The following ADPRM variants were observed in gnomAD, a reference collection of about 807,000 sequenced individuals.
The protein encoded by ADPRM is manganese-dependent ADP-ribose/CDP-alcohol diphosphatase.
In ADPRM, 17 loss-of-function variants were observed where a neutral mutation model predicts 27.2. The ratio of observed to expected loss-of-function variants is 0.63; its 90% CI spans 0.43 to 0.94. The LOEUF is 0.94. ADPRM is among the 40% of genes least tolerant of loss of function. The pLI is 0.00. For missense variants in ADPRM, 337 were observed against 412.8 expected, an observed-to-expected ratio of 0.82 and a Z score of 1.59; for synonymous variants, 135 against 145.3, an observed-to-expected ratio of 0.93 and a Z score of 0.51.
Position 10,706,550 on chromosome 17 carries a change from TGTGA to T in ADPRM, c.717_718+2del, listed in dbSNP as rs771243650. 2.6e-6 allele frequency: 4 copies of T among 1,566,344 alleles called. No homozygotes were observed. The highest frequency in any genetic ancestry group is 3.4e-6 in the Non-Finnish European group (4 of 1,159,612). On this transcript the variant is annotated frameshift_variant and splice_region_variant, in exon 3 of 4. Coordinates refer to ENST00000379774, the MANE Select transcript of ADPRM (RefSeq NM_020233.5). LOFTEE classifies it high-confidence loss of function. ...ACACAAACCAAGAAAAGGTGGTGAT[TGTGA>T]GTAAGTATTTAATTTATCTGATTAC...
chr17:10,710,896 G>T lies in ADPRM; in HGVS notation c.781G>T (p.Ala261Ser). 6.2e-7 allele frequency: 1 copy of T among 1,614,200 alleles called. No individual in the cohort carries two copies. Among genetic ancestry groups the T allele is most frequent in the Middle Eastern group, 1.6e-4 (1 of 6,062 alleles). ...NVCLAWNYRD[A>S]LAVIWSHECV... ...GTGCCTGGCCTGGAACTACAGAGAT[G>T]CCCTGGCAGTCATTTGGTCTCATGA... The change falls in exon 4 of 4, where the codon GCC (alanine) becomes TCC (serine). Residue 261 changes from alanine (A) to serine (S), a missense_variant. Coordinates refer to ENST00000379774, the MANE Select transcript of ADPRM (RefSeq NM_020233.5).
At chr17:10,709,571 G>C (rs2074837604) in intron 3 of ADPRM, among the ~76,000 whole-genome samples, 1 of 152,142 alleles carries the variant, frequency 6.6e-6, no homozygotes, top group Non-Finnish European at 1.5e-5. Context: ...TGGTGTCCTG[G>C]AATCCAAGTG....
chr17:10,705,294 A>G lies in ADPRM; in HGVS notation c.368A>G (p.His123Arg), dbSNP rs777016595. ...FYNFSREYLT[H>R]SKLNTKFLED... ...AACTTCAGTAGAGAGTATTTAACAC[A>G]CTCTAAACTTAACACTAAGTTTCTA... The change falls in exon 2 of 4, where the codon CAC becomes CGC. Residue 123 changes from histidine (H) to arginine (R), a missense_variant. Transcript: ENST00000379774. The surrounding 1 kb of genome is among the most constrained non-coding windows in gnomAD (Gnocchi z 5.4). 4.0e-5 allele frequency: 64 copies of G among 1,613,720 alleles called. No homozygotes were observed. Among genetic ancestry groups the G allele is most frequent in the East Asian group, 6.7e-5 (3 of 44,890 alleles).
chr17:10,709,948 C>G (rs904311217), intron 3 of ADPRM, among the ~76,000 whole-genome samples: 3 of 152,154 alleles, frequency 2.0e-5, no homozygotes, highest in African/African-American at 7.2e-5. Context: ...TATAAATCTT[C>G]CCTGTTTTAA....
At chr17:10,701,531 A>T (rs533836649) in intron 1 of ADPRM, among the ~76,000 whole-genome samples, 2 of 152,066 alleles carry the variant, frequency 1.3e-5, no homozygotes, top group Non-Finnish European at 1.5e-5. Context: ...GGGTTTCACC[A>T]TGTTAGCCAG....
At chr17:10,699,076 A>C (rs2074757023) in intron 1 of ADPRM, 1 of 151,992 alleles carries the variant, frequency 6.6e-6, no homozygotes, top group Non-Finnish European at 1.5e-5. Context: ...CTTCATATTA[A>C]TTTTATAATA....
intron 1 of ADPRM, chr17:10,698,036 G>T: frequency 6.4e-6 from 1 of 156,998 alleles, no homozygotes; most frequent in Non-Finnish European, 1.4e-5. Context: ...CCGACCCATT[G>T]CGATTGAAAT....
intron 3 of ADPRM, among the ~76,000 whole-genome samples, chr17:10,708,304 C>T (rs142542731): frequency 0.021 from 3,118 of 151,780 alleles, 55 homozygotes; most frequent in Non-Finnish European, 0.032. Flanking sequence ...TGGCAGGCGC[C>T]TGTAATCCCA....
rs1406986496 is a variant in ADPRM at position 10,702,432 on chromosome 17, A to G, written c.-17-2478A>G. 6.6e-6 allele frequency among the ~76,000 whole-genome samples: 1 copy of G among 152,194 alleles called. No individual in the cohort carries two copies. The highest frequency in any genetic ancestry group is 1.5e-5 in the Non-Finnish European group (1 of 68,036). On this transcript the variant is annotated intron_variant, in intron 1 of 3. Transcript: ENST00000379774. The surrounding 1 kb of genome is among the most constrained non-coding windows in gnomAD (Gnocchi z 4.2). Reference sequence around the variant, plus strand: ...TTTGATTTAGCTTTAAGCCCAGGAGAATTTATGTGCTGACATGTGTAACTA... The same window carrying G: ...TTTGATTTAGCTTTAAGCCCAGGAGGATTTATGTGCTGACATGTGTAACTA...
chr17:10,703,643 A>G (rs1047824271), intron 1 of ADPRM, among the ~76,000 whole-genome samples: 3 of 152,178 alleles, frequency 2.0e-5, no homozygotes, highest in Admixed American at 6.5e-5. Context: ...GGGATTTTAC[A>G]TGTCCACAGA....
Position 10,710,957 on chromosome 17 carries a change from A to T in ADPRM, c.842A>T (p.Asp281Val). Residue 281 changes from aspartate (D) to valine (V), a missense_variant, in exon 4 of 4, where the codon GAT becomes GTT. Physicochemically the swap from Asp to Val is radical, Grantham distance 152. Coordinates refer to ENST00000379774, the MANE Select transcript of ADPRM (RefSeq NM_020233.5). ...TGTTTCTTTGCTGGTCACACCCATG[A>T]TGGTGGCTACTCTGAGGATCCTTTT... The part of the protein sequence containing the change: ...VVCFFAGHTH[D>V]GGYSEDPFGV... The T allele has an allele frequency of 6.2e-7, 1 of 1,614,166 alleles. No homozygotes were observed. The highest frequency in any genetic ancestry group is 8.5e-7 in the Non-Finnish European group (1 of 1,180,030).
Position 10,704,947 on chromosome 17 carries a change from T to C in ADPRM, c.21T>C (p.Pro7=), listed in dbSNP as rs757368334. MDDKPN[P]EALSDSSERL... is the part of the protein sequence containing the mutation. Reference sequence around the variant, plus strand: ...AGGTTATGGATGATAAACCCAATCCTGAAGCCCTAAGTGACAGTTCAGAGC... The same window carrying C: ...AGGTTATGGATGATAAACCCAATCCCGAAGCCCTAAGTGACAGTTCAGAGC... The change falls in exon 2 of 4, where the codon CCT becomes CCC. Residue 7 remains proline, a synonymous_variant. Transcript: ENST00000379774. 6.2e-7 allele frequency: 1 copy of C among 1,607,486 alleles called. No individual in the cohort carries two copies. The highest frequency in any genetic ancestry group is 1.1e-5 in the South Asian group (1 of 90,356).
chr17:10,705,124 C>G lies in ADPRM; in HGVS notation c.198C>G (p.Pro66=), dbSNP rs537951182. Residue 66 remains proline, a synonymous_variant, in exon 2 of 4, where the codon CCC becomes CCG. Coordinates refer to ENST00000379774, the MANE Select transcript of ADPRM (RefSeq NM_020233.5). The surrounding 1 kb of genome is among the most constrained non-coding windows in gnomAD (Gnocchi z 5.4). ...IEDWNNESSM[P]CCVLQLGDII... ...ACTGGAATAATGAAAGCAGCATGCCCTGTTGTGTCCTTCAGCTTGGAGATA... is the reference window on the plus strand; with the variant it reads ...ACTGGAATAATGAAAGCAGCATGCCGTGTTGTGTCCTTCAGCTTGGAGATA... 1 of 1,614,086 alleles carries G rather than the reference C, an allele frequency of 6.2e-7. No homozygotes were observed. Among genetic ancestry groups the G allele is most frequent in the South Asian group, 1.1e-5 (1 of 91,082 alleles).
chr17:10,708,625 A>C (rs2074830639), intron 3 of ADPRM, among the ~76,000 whole-genome samples: 1 of 152,162 alleles, frequency 6.6e-6, no homozygotes, highest in African/African-American at 2.4e-5. Flanking sequence ...GGAAGAGATG[A>C]GTGCCCTTGG....
In ADPRM at chr17:10,710,917, C is replaced by G. The variant is rs1238212161; in HGVS notation, c.802C>G (p.His268Asp). The stretch of plus-strand genomic sequence containing the variant: ...AGATGCCCTGGCAGTCATTTGGTCT[C>G]ATGAGTGTGTGGTGTGTTTCTTTGC... ...YRDALAVIWSHECVVCFFAGH... is the reference protein window; with the variant it reads ...YRDALAVIWSDECVVCFFAGH... Residue 268 changes from histidine to aspartate, a missense_variant, in exon 4 of 4, where the codon CAT becomes GAT. Transcript: ENST00000379774. The G allele has an allele frequency of 6.2e-7, 1 of 1,614,092 alleles. No individual in the cohort carries two copies. The highest frequency in any genetic ancestry group is 1.3e-5 in the African/African-American group (1 of 74,928).
intron 3 of ADPRM, among the ~76,000 whole-genome samples, chr17:10,709,468 T>C (rs1052654552): frequency 3.3e-5 from 5 of 151,772 alleles, no homozygotes; most frequent in South Asian, 2.1e-4. Context: ...TGGTAAGACG[T>C]TGGGGAAATG....
chr17:10,704,939 C>A lies in ADPRM; in HGVS notation c.13C>A (p.Pro5Thr), dbSNP rs778453624. 6.9e-6 allele frequency: 11 copies of A among 1,603,028 alleles called. No individual in the cohort carries two copies. In the Admixed American group the frequency reaches 1.1e-4, roughly 15 times the overall value. ...CTGTTTGGAGGTTATGGATGATAAACCCAATCCTGAAGCCCTAAGTGACAG... is the reference window on the plus strand; with the variant it reads ...CTGTTTGGAGGTTATGGATGATAAAACCAATCCTGAAGCCCTAAGTGACAG... MDDK[P>T]NPEALSDSSE... The change falls in exon 2 of 4, where the codon CCC becomes ACC. Residue 5 changes from proline (P) to threonine (T), a missense_variant. Physicochemically the swap from Pro to Thr is conservative, Grantham distance 38 (BLOSUM62 -1). Transcript: ENST00000379774.
rs780629473 is a variant in ADPRM at position 10,710,985 on chromosome 17, T to C, written c.870T>C (p.Gly290=). The part of the protein sequence containing the change: ...HDGGYSEDPF[G]VYHVNLEGVI... The stretch of plus-strand genomic sequence containing the variant: ...GTGGCTACTCTGAGGATCCTTTTGG[T>C]GTATACCACGTCAACCTAGAAGGAG... Residue 290 remains glycine (G), a synonymous_variant, in exon 4 of 4, where the codon GGT becomes GGC. Transcript: ENST00000379774. 4 of 1,614,016 alleles carry C rather than the reference T, an allele frequency of 2.5e-6. No homozygotes were observed. The highest frequency in any genetic ancestry group is 2.2e-5 in the East Asian group (1 of 44,880).
intron 3 of ADPRM, among the ~76,000 whole-genome samples, chr17:10,709,231 T>C (rs1185187157): frequency 1.3e-5 from 2 of 152,110 alleles, no homozygotes; most frequent in African/African-American, 4.8e-5. Flanking sequence ...GGGTAGGGCT[T>C]CAGGTTTGGA....
Sources: allele counts gnomAD v4.1 joint callset (sites outside exome capture counted in the v4.1 genomes callset), GRCh38; gene constraint gnomAD v4.1.1; non-coding constraint Gnocchi (gnomAD v3.1); transcripts MANE v1.5; gene names NCBI Gene and HGNC (gene_info 2026-07-23, HGNC 2026-07-21).